The following SMG9 variants were observed in gnomAD, a reference collection of about 807,000 sequenced individuals.
SMG9 encodes nonsense-mediated mRNA decay factor SMG9.
A neutral mutation model predicts 64.0 loss-of-function variants in SMG9; 55 were observed. That is an observed-to-expected ratio of 0.86 (90% CI 0.69 to 1.08). SMG9 has a LOEUF of 1.08. SMG9 is among the 50% of genes least tolerant of loss of function. The pLI is 0.00. For missense variants in SMG9, 554 were observed against 681.3 expected, an observed-to-expected ratio of 0.81 and a Z score of 2.08; for synonymous variants, 244 against 254.8, an observed-to-expected ratio of 0.96 and a Z score of 0.41.
chr19:43,748,847 C>A (rs1278131865), intron 2 of SMG9: 4 of 511,126 alleles, frequency 7.8e-6, no homozygotes, highest in Admixed American at 5.9e-5. Flanking sequence ...CGGTGAAGAA[C>A]AAACAAAAAG....
At chr19:43,749,824 C>T (rs1008645299) in intron 2 of SMG9, among the ~76,000 whole-genome samples, 1 of 152,186 alleles carries the variant, frequency 6.6e-6, no homozygotes, top group Non-Finnish European at 1.5e-5. Context: ...CAGAGCGATG[C>T]TATATGTGAG....
intron 9 of SMG9, among the ~76,000 whole-genome samples, chr19:43,736,984 G>A (rs1968690635): frequency 6.6e-6 from 1 of 152,202 alleles, no homozygotes; most frequent in African/African-American, 2.4e-5. Flanking sequence ...CTTTAATAAA[G>A]GGAGTGAGGG....
chr19:43,747,721 C>T lies in SMG9; in HGVS notation c.402G>A (p.Lys134=), dbSNP rs1253053771. The T allele has an allele frequency of 6.2e-7, 1 of 1,611,098 alleles. No individual in the cohort carries two copies. ...PPPPAAPAPP[K]GEKEGQRPTQ... is the part of the protein sequence containing the mutation. ...TGGGTCTCTGCCCCTCCTTCTCCCC[C>T]TTGGGTGGCGCAGGGGCTGCAGGGG... The change falls in exon 4 of 14, where the codon AAG becomes AAA. Residue 134 remains lysine (K), a synonymous_variant. Coordinates refer to ENST00000270066, the MANE Select transcript of SMG9 (RefSeq NM_019108.4).
intron 2 of SMG9, among the ~76,000 whole-genome samples, chr19:43,749,582 T>C (rs1478750660): frequency 6.6e-6 from 1 of 152,194 alleles, no homozygotes; most frequent in East Asian, 1.9e-4. Context: ...CCCAGCTCAC[T>C]GTGAAAAAAC....
intron 5 of SMG9, 51 bp from the exon 6 acceptor site, chr19:43,744,935 T>A (rs1968954573): frequency 7.0e-7 from 1 of 1,437,452 alleles, no homozygotes; most frequent in Non-Finnish European, 9.7e-7. Flanking sequence ...CTGCTGGAGC[T>A]GGAATGAGGG....
chr19:43,751,973 C>T (rs931641599), intron 1 of SMG9, among the ~76,000 whole-genome samples: 6 of 152,294 alleles, frequency 3.9e-5, no homozygotes, highest in South Asian at 2.1e-4. Context: ...TTCTCCTTAC[C>T]AAAATGCAGC....
At chr19:43,752,825 G>A (rs1969228597) in intron 1 of SMG9, among the ~76,000 whole-genome samples, 1 of 149,720 alleles carries the variant, frequency 6.7e-6, no homozygotes, top group African/African-American at 2.5e-5. Context: ...GGGATCACTT[G>A]AGCCTGGGAG....
rs879570979 is a variant in SMG9 at position 43,734,450 on chromosome 19, G to A, written c.1041C>T (p.Pro347=). Residue 347 remains proline, a synonymous_variant, in exon 10 of 14, where the codon CCC becomes CCT. Coordinates refer to ENST00000270066, the MANE Select transcript of SMG9 (RefSeq NM_019108.4). ...AEMVKPSTPS[P]SHESSSSSGS... is the part of the protein sequence containing the mutation. ...CCGATGAGCTGCTGGACTCGTGGCT[G>A]GGGGATGGGGTGGAGGGCTTCACCA... 8.3e-6 allele frequency: 13 copies of A among 1,563,040 alleles called. No homozygotes were observed. Among genetic ancestry groups the A allele is most frequent in the African/African-American group, 1.4e-5 (1 of 73,780 alleles).
In SMG9 at chr19:43,731,479, C is replaced by T; in HGVS notation, c.*117G>A. ...TGTCTCTGGGCCGGGAAGCCACGATCCCTCATCCATCAGGCCTGCTGCCGC... is the reference window on the plus strand; with the variant it reads ...TGTCTCTGGGCCGGGAAGCCACGATTCCTCATCCATCAGGCCTGCTGCCGC... On this transcript the variant is annotated 3_prime_UTR_variant, in exon 14 of 14. Transcript: ENST00000270066. 1.3e-6 allele frequency: 2 copies of T among 1,529,054 alleles called. No homozygotes were observed. Among genetic ancestry groups the T allele is most frequent in the Non-Finnish European group, 1.8e-6 (2 of 1,136,200 alleles). The allele number at this position is 1,529,054 out of a possible 1,614,324, so 94.7% of individuals were successfully genotyped here.
chr19:43,741,323 T>C lies in SMG9; in HGVS notation c.702-1105A>G, dbSNP rs894278427. On this transcript the variant is annotated intron_variant, in intron 6 of 13. Coordinates refer to ENST00000270066, the MANE Select transcript of SMG9 (RefSeq NM_019108.4). ...GGTGGGGGATGGACGCAGAGGAAGG[T>C]TGCATCGGCAGAAAGTAGGTGGCTT... 9.2e-5 allele frequency among the ~76,000 whole-genome samples: 14 copies of C among 152,176 alleles called. No homozygotes were observed. The East Asian group carries it at 9.7e-4, about 11-fold the overall frequency.
chr19:43,737,872 C>A, intron 8 of SMG9, 190 bp from the exon 9 acceptor site: 1 of 656,982 alleles, frequency 1.5e-6, no homozygotes. Flanking sequence ...GAATTATCAC[C>A]CCCATTTTAC....
chr19:43,738,344 G>C, intron 7 of SMG9, 127 bp from the exon 8 acceptor site: 1 of 743,548 alleles, frequency 1.3e-6, no homozygotes, highest in East Asian at 2.7e-5. Flanking sequence ...AATTAGAACA[G>C]CAAAAGGAAG....
Position 43,728,286 on chromosome 19 carries a change from G to GT in SMG9, c.*3309dup, listed in dbSNP as rs1600183067. On this transcript the variant is annotated 3_prime_UTR_variant, in exon 14 of 14. Coordinates refer to ENST00000270066, the MANE Select transcript of SMG9 (RefSeq NM_019108.4). ...CTGTCCTCACAATAGTGAATCTGTT[G>GT]TAAGAGCTCGTGGTTTCAAAGTGTG... 6.6e-6 allele frequency: 1 copy of GT among 152,258 alleles called. No homozygotes were observed. Among genetic ancestry groups the GT allele is most frequent in the African/African-American group, 2.4e-5 (1 of 41,418 alleles). 9.4% of individuals were successfully genotyped at this position (152,258 alleles called of 1,614,324 possible).
intron 7 of SMG9, among the ~76,000 whole-genome samples, chr19:43,739,064 G>A (rs1367052304): frequency 6.6e-6 from 1 of 152,270 alleles, no homozygotes; most frequent in Non-Finnish European, 1.5e-5. Flanking sequence ...CTGCTCTGAA[G>A]AGCTTCGGGC....
At chr19:43,740,267 T>C (rs766067894) in intron 6 of SMG9, 49 bp from the exon 7 acceptor site, 1 of 1,321,014 alleles carries the variant, frequency 7.6e-7, no homozygotes, top group Non-Finnish European at 1.1e-6. Context: ...GTTCTCAGCC[T>C]TGGATGCATC....
intron 6 of SMG9, among the ~76,000 whole-genome samples, chr19:43,741,936 T>C (rs1291751868): frequency 2.0e-5 from 3 of 151,626 alleles, no homozygotes; most frequent in Non-Finnish European, 2.9e-5. Flanking sequence ...TCACTTGAGG[T>C]CAGGAGTTCA....
At chr19:43,743,392 G>A (rs566395276) in intron 6 of SMG9, among the ~76,000 whole-genome samples, 2 of 152,264 alleles carry the variant, frequency 1.3e-5, no homozygotes, top group South Asian at 2.1e-4. Flanking sequence ...ATGTGTATTC[G>A]CCCAACAGTG....
chr19:43,748,789 C>A (rs1969106176), intron 2 of SMG9: 1 of 520,040 alleles, frequency 1.9e-6, no homozygotes, highest in Non-Finnish European at 3.8e-6. Context: ...GTTCCTTCAC[C>A]AATATACTGA....
rs1172417447 is a variant in SMG9, at chr19:43,731,757, G to A, written c.1485-83C>T. On this transcript the variant is annotated intron_variant, in intron 13 of 13. Coordinates refer to ENST00000270066, the MANE Select transcript of SMG9 (RefSeq NM_019108.4). Reference sequence around the variant, plus strand: ...AACCCGGGACAGGTGGAGAAACTGAGGCCCCTTTTATGACCTGAGATGTGA... The same window carrying A: ...AACCCGGGACAGGTGGAGAAACTGAAGCCCCTTTTATGACCTGAGATGTGA... The A allele has an allele frequency of 1.9e-6, 3 of 1,552,318 alleles. No individual in the cohort carries two copies. The African/African-American group carries it at 4.1e-5, about 21-fold the overall frequency.
Sources: gnomAD v4.1 joint callset for allele counts (sites outside exome capture counted in the v4.1 genomes callset) on GRCh38, gnomAD v4.1.1 for gene constraint, MANE v1.5 for transcripts, NCBI Gene and HGNC (gene_info 2026-07-23, HGNC 2026-07-21) for gene names.